Variants in MCTP1 observed in about 807,000 individuals in gnomAD.
MCTP1 encodes the protein multiple C2 and transmembrane domain containing 1.
In MCTP1, 69 loss-of-function variants were observed where a neutral mutation model predicts 120.6. That is an observed-to-expected ratio of 0.57 (90% CI 0.47 to 0.70). The LOEUF is 0.70. MCTP1 is among the 30% of genes least tolerant of loss of function. The probability of loss-of-function intolerance (pLI) is 0.00; values close to 1 mark genes in which losing one functional copy is unlikely to be tolerated. For synonymous variants in MCTP1, 529 were observed against 493.1 expected (o/e 1.07, Z -0.96); for missense variants, 1,203 against 1,248.8 (o/e 0.96, Z 0.55).
intron 1 of MCTP1, among the ~76,000 whole-genome samples, chr5:95,095,619 C>T (rs7732096): frequency 0.49 from 74,641 of 151,986 alleles, 20,607 homozygotes; most frequent in Admixed American, 0.63. Flanking sequence ...AGAAGGTGTT[C>T]TGGTCTTTTC....
intron 2 of MCTP1, among the ~76,000 whole-genome samples, chr5:95,008,937 G>A (rs1835306096): frequency 6.6e-6 from 1 of 151,980 alleles, no homozygotes; most frequent in African/African-American, 2.4e-5. Context: ...GGCTTGGTGG[G>A]AGGATTCCAT....
intron 17 of MCTP1, among the ~76,000 whole-genome samples, chr5:94,814,148 G>A (rs942114702): frequency 3.9e-5 from 6 of 152,068 alleles, no homozygotes; most frequent in African/African-American, 1.4e-4. Context: ...TGAATGTTAT[G>A]ACATATAAAT....
rs571280194 is a variant in MCTP1 at position 95,161,775 on chromosome 5, T to C, written c.720+122081A>G. ...AGGCACAGAAAGGGTGAGTAACTTA[T>C]CAAAGTTCACCAACTAGAAAATGAC... On this transcript the variant is annotated intron_variant, in intron 1 of 22. Coordinates refer to ENST00000515393, the MANE Select transcript of MCTP1 (RefSeq NM_024717.7). Among the ~76,000 whole-genome samples, 6 of 152,300 alleles carry C rather than the reference T, an allele frequency of 3.9e-5. No individual in the cohort carries two copies. In the East Asian group the frequency reaches 1.2e-3, roughly 29 times the overall value.
At chr5:94,894,215 A>ACAGCTGAG (rs1803358044) in intron 11 of MCTP1, among the ~76,000 whole-genome samples, 1 of 152,226 alleles carries the variant, frequency 6.6e-6, no homozygotes, top group South Asian at 2.1e-4. Context: ...AATAAAAATC[A>ACAGCTGAG]TTCCTGTGGA....
At chr5:95,239,648 T>C (rs1488649358) in intron 1 of MCTP1, among the ~76,000 whole-genome samples, 1 of 152,178 alleles carries the variant, frequency 6.6e-6, no homozygotes, top group East Asian at 1.9e-4. Context: ...TCTCTTGATA[T>C]AGGTATTTTC....
chr5:95,168,962 C>A (rs1746829390), intron 1 of MCTP1, among the ~76,000 whole-genome samples: 1 of 152,118 alleles, frequency 6.6e-6, no homozygotes, highest in Non-Finnish European at 1.5e-5. Context: ...GAGAGGGCAT[C>A]CCTGTCTTGT....
chr5:94,773,734 AG>A (rs922807072), intron 19 of MCTP1, among the ~76,000 whole-genome samples: 1 of 152,176 alleles, frequency 6.6e-6, no homozygotes, highest in African/African-American at 2.4e-5. Flanking sequence ...GAGTGTGTGC[AG>A]GGGAACTCCC....
At chr5:94,739,493 G>A (rs1765016414) in intron 19 of MCTP1, 1 of 152,120 alleles carries the variant, frequency 6.6e-6, no homozygotes, top group South Asian at 2.1e-4. Context: ...GGCTTCAATG[G>A]CATGGCATTC....
chr5:94,983,956 A>C lies in MCTP1; in HGVS notation c.839-30595T>G, dbSNP rs543385845. The stretch of plus-strand genomic sequence containing the variant: ...CTAACAATCCAGCAGTGCTCAGGAC[A>C]TTTTGTACTGCATTATGAATATTGA... On this transcript the variant is annotated intron_variant, in intron 2 of 22. Coordinates refer to ENST00000515393, the MANE Select transcript of MCTP1 (RefSeq NM_024717.7). 3.2e-4 allele frequency among the ~76,000 whole-genome samples: 49 copies of C among 152,288 alleles called. 1 individual carries two copies. In the South Asian group the frequency reaches 8.9e-3, roughly 28 times the overall value.
chr5:94,875,083 A>G (rs1353406112), intron 12 of MCTP1, among the ~76,000 whole-genome samples: 1 of 152,208 alleles, frequency 6.6e-6, no homozygotes, highest in Non-Finnish European at 1.5e-5. Flanking sequence ...TGGAGTTTAC[A>G]TTGAAGAAGA....
chr5:95,236,153 C>T (rs1015992768), intron 1 of MCTP1, among the ~76,000 whole-genome samples: 2 of 152,112 alleles, frequency 1.3e-5, no homozygotes, highest in Non-Finnish European at 2.9e-5. Flanking sequence ...GGAGGCCATG[C>T]CCATTTTTAC....
At chr5:95,082,611 A>G (rs1755065752) in intron 1 of MCTP1, among the ~76,000 whole-genome samples, 1 of 152,216 alleles carries the variant, frequency 6.6e-6, no homozygotes, top group Non-Finnish European at 1.5e-5. Context: ...TAAAAAAGTA[A>G]AGAAACATTA....
intron 1 of MCTP1, among the ~76,000 whole-genome samples, chr5:95,201,493 T>G (rs1477667487): frequency 7.3e-5 from 3 of 40,936 alleles, no homozygotes; most frequent in African/African-American, 1.6e-4. Context: ...TTTTTTTTTT[T>G]TTTTTTTTTT....
chr5:95,071,000 A>C (rs1752004379), intron 1 of MCTP1, among the ~76,000 whole-genome samples: 2 of 152,170 alleles, frequency 1.3e-5, no homozygotes, highest in African/African-American at 2.4e-5. Context: ...ACCTGTTCCC[A>C]AGATGAGGAG....
At chr5:95,165,985 C>T (rs1460502197) in intron 1 of MCTP1, 3 of 152,132 alleles carry the variant, frequency 2.0e-5, no homozygotes, top group Admixed American at 6.5e-5. Context: ...CCATAACCCC[C>T]CATTACCATA....
chr5:94,897,402 G>C (rs1320787849), intron 10 of MCTP1, among the ~76,000 whole-genome samples: 24 of 152,072 alleles, frequency 1.6e-4, no homozygotes, highest in Non-Finnish European at 1.5e-5. Flanking sequence ...TATCGCCCAG[G>C]CTGGAGTGCA....
chr5:94,885,234 G>A (rs1801001938), intron 12 of MCTP1, among the ~76,000 whole-genome samples: 1 of 151,254 alleles, frequency 6.6e-6, no homozygotes, highest in African/African-American at 2.4e-5. Flanking sequence ...GTTCTCCCAT[G>A]TCGCTGTTTC....
At chr5:94,948,737 C>T (rs1819740868) in intron 3 of MCTP1, among the ~76,000 whole-genome samples, 1 of 152,128 alleles carries the variant, frequency 6.6e-6, no homozygotes, top group East Asian at 1.9e-4. Context: ...TTCAGAGGTC[C>T]TGAATCAGAG....
chr5:94,713,471 A>G (rs928294996), intron 20 of MCTP1, among the ~76,000 whole-genome samples: 2 of 152,048 alleles, frequency 1.3e-5, no homozygotes, highest in Non-Finnish European at 1.5e-5. Context: ...TGCCTGATCC[A>G]TGGTCTTTTG....
Sources: allele counts gnomAD v4.1 joint callset (sites outside exome capture counted in the v4.1 genomes callset), GRCh38; gene constraint gnomAD v4.1.1; transcripts MANE v1.5; gene names NCBI Gene and HGNC (gene_info 2026-07-23, HGNC 2026-07-21).